CTXND1: variants seen among roughly 807,000 people sequenced by gnomAD.
The protein encoded by CTXND1 is cortexin domain containing 1.
At position 80,195,969 on chromosome 15, in the gene CTXND1, G is replaced by A. The variant is rs1796876617; in HGVS notation, c.*5801C>T. The A allele has an allele frequency of 1.3e-5, 2 of 152,082 alleles. No individual in the cohort carries two copies. Among genetic ancestry groups the A allele is most frequent in the South Asian group, 4.1e-4 (2 of 4,826 alleles). 9.4% of individuals were successfully genotyped at this position (152,082 alleles called of 1,614,324 possible). On this transcript the variant is annotated 3_prime_UTR_variant, in exon 3 of 3. Coordinates refer to ENST00000560778, the MANE Select transcript of CTXND1 (RefSeq NM_001352888.2). Reference sequence around the variant, plus strand: ...TGGGGCTCCTTATGTTGAAATATTGGCAGAGAAAGAGATCACTGCACTGTC... The same window carrying A: ...TGGGGCTCCTTATGTTGAAATATTGACAGAGAAAGAGATCACTGCACTGTC...
chr15:80,218,935 ATT>A (rs34740302), intron 1 of CTXND1, among the ~76,000 whole-genome samples: 1 of 144,164 alleles, frequency 6.9e-6, no homozygotes. Flanking sequence ...ATTTTCTGTG[ATT>A]TTTTTTTTTT....
At chr15:80,250,614 T>G (rs1342293641) in intron 1 of CTXND1, among the ~76,000 whole-genome samples, 1 of 152,172 alleles carries the variant, frequency 6.6e-6, no homozygotes. Context: ...ATAAACAGCT[T>G]CCCCACAATT....
chr15:80,195,636 C>A lies in CTXND1; in HGVS notation c.*6134G>T, dbSNP rs1280251294. On this transcript the variant is annotated 3_prime_UTR_variant, in exon 3 of 3. Transcript: ENST00000560778. ...AGAGAGAAAAGAGGACCAAACACCC[C>A]CTTCATAACAAACCCACTCTTGAGA... The A allele has an allele frequency of 6.6e-6, 1 of 152,110 alleles. No homozygotes were observed. The highest frequency in any genetic ancestry group is 1.5e-5 in the Non-Finnish European group (1 of 68,022). The allele number at this position is 152,110 out of a possible 1,614,324, so 9.4% of individuals were successfully genotyped here.
At chr15:80,241,545 G>A (rs1433177006) in intron 1 of CTXND1, among the ~76,000 whole-genome samples, 1 of 152,188 alleles carries the variant, frequency 6.6e-6, no homozygotes. Context: ...GACATGTAAG[G>A]GCTTCAGCTG....
chr15:80,229,421 A>C (rs1244209234), intron 1 of CTXND1, among the ~76,000 whole-genome samples: 1 of 152,224 alleles, frequency 6.6e-6, no homozygotes, highest in Non-Finnish European at 1.5e-5. Flanking sequence ...GGAGCAGGGC[A>C]TAGGCCAGTT....
At chr15:80,216,168 C>T (rs376259836) in intron 1 of CTXND1, among the ~76,000 whole-genome samples, 1 of 152,162 alleles carries the variant, frequency 6.6e-6, no homozygotes, top group Non-Finnish European at 1.5e-5. Context: ...ATCATGTCCC[C>T]GTTCTCCAGG....
At chr15:80,213,704 G>A (rs989657218) in intron 1 of CTXND1, among the ~76,000 whole-genome samples, 152 of 152,318 alleles carry the variant, frequency 1.0e-3, no homozygotes, top group African/African-American at 3.6e-3. Flanking sequence ...ATGTTAACAG[G>A]CTAGCATAGG....
chr15:80,241,694 G>T (rs1893569252), intron 1 of CTXND1, among the ~76,000 whole-genome samples: 1 of 152,192 alleles, frequency 6.6e-6, no homozygotes, highest in African/African-American at 2.4e-5. Context: ...ATGGAACGGG[G>T]CCTCATGACT....
intron 1 of CTXND1, among the ~76,000 whole-genome samples, chr15:80,236,781 T>TAAA (rs375195033): frequency 0.048 from 6,721 of 141,166 alleles, 434 homozygotes; most frequent in East Asian, 0.28. Context: ...GGACTCGGTC[T>TAAA]AAAAAAAAAA....
Position 80,198,354 on chromosome 15 carries a change from T to C in CTXND1, c.*3416A>G, listed in dbSNP as rs2142118360. 6.6e-6 allele frequency: 1 copy of C among 152,384 alleles called. No homozygotes were observed. The highest frequency in any genetic ancestry group is 2.4e-5 in the African/African-American group (1 of 41,598). The allele number at this position is 152,384 out of a possible 1,614,324, so 9.4% of individuals were successfully genotyped here. ...CTTTGGAGAGTTCCTCTCCAGCCTGTGTTCTCCTTAAGTCCTGGGTTGTGG... is the reference window on the plus strand; with the variant it reads ...CTTTGGAGAGTTCCTCTCCAGCCTGCGTTCTCCTTAAGTCCTGGGTTGTGG... On this transcript the variant is annotated 3_prime_UTR_variant, in exon 3 of 3. Coordinates refer to ENST00000560778, the MANE Select transcript of CTXND1 (RefSeq NM_001352888.2).
intron 1 of CTXND1, among the ~76,000 whole-genome samples, chr15:80,228,216 C>T (rs943562628): frequency 6.6e-6 from 1 of 152,248 alleles, no homozygotes; most frequent in African/African-American, 2.4e-5. Flanking sequence ...ACTTCCCCCA[C>T]TGAGTCTTGA....
intron 1 of CTXND1, among the ~76,000 whole-genome samples, chr15:80,227,269 T>C (rs560395677): frequency 1.3e-5 from 2 of 152,360 alleles, no homozygotes; most frequent in African/African-American, 4.8e-5. Context: ...AAGTCCTTTA[T>C]AGGCACCTAC....
chr15:80,232,942 T>TTTG, intron 1 of CTXND1, among the ~76,000 whole-genome samples: 1 of 46,974 alleles, frequency 2.1e-5, no homozygotes, highest in African/African-American at 8.9e-5. Flanking sequence ...TGCAACTTCC[T>TTTG]TTTTTTTTTT....
intron 1 of CTXND1, among the ~76,000 whole-genome samples, chr15:80,245,808 C>T (rs182019644): frequency 4.0e-4 from 61 of 152,306 alleles, no homozygotes; most frequent in African/African-American, 1.4e-3. Context: ...TGCTCAAAGT[C>T]TCATCAAACT....
intron 1 of CTXND1, among the ~76,000 whole-genome samples, chr15:80,207,649 C>T (rs2114711): frequency 0.75 from 114,550 of 152,152 alleles, 43,352 homozygotes; most frequent in East Asian, 0.88. Context: ...TAAAACATTG[C>T]AGTAGCTCAG....
chr15:80,219,185 T>C (rs1893286314), intron 1 of CTXND1, among the ~76,000 whole-genome samples: 1 of 151,252 alleles, frequency 6.6e-6, no homozygotes, highest in Admixed American at 6.6e-5. Context: ...GCTCAAGCAA[T>C]CCTCCTACCT....
intron 1 of CTXND1, among the ~76,000 whole-genome samples, chr15:80,244,900 T>A (rs1242685404): frequency 2.0e-5 from 3 of 152,124 alleles, no homozygotes; most frequent in African/African-American, 7.2e-5. Flanking sequence ...GAGCTGGAAC[T>A]GAGTGTAAGG....
chr15:80,236,766 C>T (rs565779153), intron 1 of CTXND1, among the ~76,000 whole-genome samples: 2 of 140,470 alleles, frequency 1.4e-5, no homozygotes, highest in South Asian at 4.9e-4. Context: ...CTGGGTGATA[C>T]AACAGGACTC....
chr15:80,234,693 G>C (rs1446891804), intron 1 of CTXND1, among the ~76,000 whole-genome samples: 1 of 152,124 alleles, frequency 6.6e-6, no homozygotes, highest in Non-Finnish European at 1.5e-5. Flanking sequence ...GACCAGGCTG[G>C]TCTCGAACTC....
Sources: allele counts gnomAD v4.1 joint callset (sites outside exome capture counted in the v4.1 genomes callset), GRCh38; gene constraint gnomAD v4.1.1; transcripts MANE v1.5; gene names NCBI Gene and HGNC (gene_info 2026-07-23, HGNC 2026-07-21).